The following CA10 variants were observed in gnomAD, a reference collection of about 807,000 sequenced individuals.
CA10 encodes the protein carbonic anhydrase-related protein 10.
Under a neutral mutation model 44.2 loss-of-function variants are expected in CA10, and 14 were observed. The observed-to-expected ratio is 0.32, with a 90% confidence interval of 0.21 to 0.50. CA10 has a LOEUF of 0.50. CA10 is among the 20% of genes least tolerant of loss of function. The pLI is 0.99. For missense variants in CA10, 350 were observed against 409.7 expected (o/e 0.85, Z 1.26); for synonymous variants, 159 against 141.6 (o/e 1.12, Z -0.87).
rs1291220021 is a variant in CA10, at chr17:51,993,817, C to G, written c.137-62685G>C. Among the ~76,000 whole-genome samples the G allele has an allele frequency of 2.6e-5, 4 of 151,776 alleles. No homozygotes were observed. The South Asian group carries it at 8.3e-4, about 32-fold the overall frequency. On this transcript the variant is annotated intron_variant, in intron 2 of 8. Transcript: ENST00000451037. ...TTTCTTTTTCTCTCTCTTCTACCTC[C>G]CTCCTTCCTTTGTTCTTTTATTGAT...
intron 2 of CA10, among the ~76,000 whole-genome samples, chr17:52,001,097 G>C (rs1985409158): frequency 6.6e-6 from 1 of 151,896 alleles, no homozygotes. Flanking sequence ...ACGAAGACCT[G>C]GTGCCTTTAT....
chr17:51,698,972 T>C (rs957051235), intron 4 of CA10, among the ~76,000 whole-genome samples: 1 of 152,212 alleles, frequency 6.6e-6, no homozygotes, highest in Non-Finnish European at 1.5e-5. Context: ...ATATTGGTTA[T>C]TATGAATAAG....
chr17:51,706,960 C>G (rs1445648879), intron 4 of CA10, among the ~76,000 whole-genome samples: 1 of 152,164 alleles, frequency 6.6e-6, no homozygotes, highest in Non-Finnish European at 1.5e-5. Context: ...GACGCCTTTT[C>G]CTATAACTCA....
chr17:51,655,045 C>T (rs1010803204), intron 4 of CA10, among the ~76,000 whole-genome samples: 4 of 152,032 alleles, frequency 2.6e-5, no homozygotes, highest in Non-Finnish European at 1.5e-5. Flanking sequence ...AATAAATTCC[C>T]TAGTCCACAG....
At chr17:51,907,450 A>G (rs1331946433) in intron 3 of CA10, among the ~76,000 whole-genome samples, 1 of 152,114 alleles carries the variant, frequency 6.6e-6, no homozygotes, top group African/African-American at 2.4e-5. Flanking sequence ...CCACATTAAA[A>G]ATATTTTACA....
At chr17:51,693,037 C>T (rs187575343) in intron 4 of CA10, among the ~76,000 whole-genome samples, 17 of 152,246 alleles carry the variant, frequency 1.1e-4, no homozygotes, top group East Asian at 9.6e-4. Context: ...CTAGCTTCTG[C>T]GAATTTCCAT....
intron 3 of CA10, among the ~76,000 whole-genome samples, chr17:51,893,196 C>A (rs1224715428): frequency 6.6e-6 from 1 of 151,904 alleles, no homozygotes; most frequent in African/African-American, 2.4e-5. Context: ...AAAAATAAAG[C>A]CACCATGAAG....
In CA10 at chr17:51,747,606, C is replaced by G; in HGVS notation, c.465+27G>C. Reference sequence around the variant, plus strand: ...CCCAATCTTATAAGTTGACATTTAACCTTAGTACTTTGACAGACTAACATA... The same window carrying G: ...CCCAATCTTATAAGTTGACATTTAAGCTTAGTACTTTGACAGACTAACATA... On this transcript the variant is annotated intron_variant, in intron 4 of 8. Transcript: ENST00000451037. 3 of 1,577,546 alleles carry G rather than the reference C, an allele frequency of 1.9e-6. No individual in the cohort carries two copies. In the South Asian group the frequency reaches 3.5e-5, roughly 19 times the overall value.
At chr17:51,968,897 T>A (rs1168912713) in intron 2 of CA10, among the ~76,000 whole-genome samples, 2 of 151,916 alleles carry the variant, frequency 1.3e-5, no homozygotes, top group Non-Finnish European at 2.9e-5. Flanking sequence ...GTGAACACAA[T>A]CTCATTTTTA....
chr17:52,109,993 T>C (rs1473146272), intron 1 of CA10, among the ~76,000 whole-genome samples: 1 of 152,212 alleles, frequency 6.6e-6, no homozygotes, highest in Non-Finnish European at 1.5e-5. Context: ...GAGGAGCTTA[T>C]ATAACTGTGC....
intron 3 of CA10, among the ~76,000 whole-genome samples, chr17:51,819,755 C>T (rs565097675): frequency 4.6e-5 from 7 of 152,328 alleles, no homozygotes; most frequent in South Asian, 4.1e-4. Context: ...GCCTAGAACA[C>T]GGAGGGGCTT....
intron 2 of CA10, among the ~76,000 whole-genome samples, chr17:51,954,939 C>G (rs570604106): frequency 6.6e-6 from 1 of 152,208 alleles, no homozygotes; most frequent in South Asian, 2.1e-4. Context: ...GTCTGTGTAA[C>G]AGATAATGTA....
At chr17:52,051,475 C>T (rs965470326) in intron 2 of CA10, among the ~76,000 whole-genome samples, 7 of 150,860 alleles carry the variant, frequency 4.6e-5, no homozygotes, top group African/African-American at 1.5e-4. Context: ...CATGAAGAAG[C>T]GGGCAAAGGA....
At chr17:51,956,832 A>T (rs1490323522) in intron 2 of CA10, among the ~76,000 whole-genome samples, 1 of 152,044 alleles carries the variant, frequency 6.6e-6, no homozygotes, top group Admixed American at 6.5e-5. Flanking sequence ...CACCCAAAGC[A>T]GAGGGAAATC....
chr17:52,076,452 T>G (rs1016229415), intron 1 of CA10, among the ~76,000 whole-genome samples: 2 of 152,224 alleles, frequency 1.3e-5, no homozygotes, highest in Non-Finnish European at 2.9e-5. Flanking sequence ...ATAGTAGAAC[T>G]GCAGAGCTCC....
intron 2 of CA10, among the ~76,000 whole-genome samples, chr17:51,967,152 G>A (rs1175241520): frequency 6.6e-6 from 1 of 151,554 alleles, no homozygotes; most frequent in Admixed American, 6.6e-5. Flanking sequence ...ACCATCTGAT[G>A]TGTCAGAATG....
chr17:51,790,252 C>T (rs1013523749), intron 3 of CA10, among the ~76,000 whole-genome samples: 1 of 152,144 alleles, frequency 6.6e-6, no homozygotes, highest in African/African-American at 2.4e-5. Context: ...TTCAGCTGGG[C>T]CCATGATAAC....
chr17:51,642,873 C>T (rs1913149869), intron 6 of CA10, among the ~76,000 whole-genome samples: 1 of 152,158 alleles, frequency 6.6e-6, no homozygotes, highest in African/African-American at 2.4e-5. Context: ...GAACTCCTGA[C>T]TTCAGGTGAT....
intron 4 of CA10, among the ~76,000 whole-genome samples, chr17:51,718,085 G>A (rs929571188): frequency 2.0e-5 from 3 of 150,346 alleles, no homozygotes; most frequent in African/African-American, 4.9e-5. Flanking sequence ...GGAGGGGGAC[G>A]AGGGACAAAA....
Sources: gnomAD v4.1 joint callset for allele counts (sites outside exome capture counted in the v4.1 genomes callset) on GRCh38, gnomAD v4.1.1 for gene constraint, MANE v1.5 for transcripts, NCBI Gene and HGNC (gene_info 2026-07-23, HGNC 2026-07-21) for gene names.